Variants in SUPT3H observed in about 807,000 individuals in gnomAD.
SUPT3H encodes the protein transcription initiation protein SPT3 homolog.
A neutral mutation model predicts 44.3 loss-of-function variants in SUPT3H; 44 were observed. The observed-to-expected ratio is 0.99, with a 90% CI of 0.78 to 1.28. The LOEUF (loss-of-function observed/expected upper bound fraction) is 1.28. Among genes scored for constraint, SUPT3H ranks in the 50% most tolerant of loss-of-function variants. The pLI, the probability that SUPT3H is intolerant of heterozygous loss-of-function variation, is 0.00. For synonymous variants in SUPT3H, 124 were observed against 125.6 expected (o/e 0.99, Z 0.09); for missense variants, 380 against 387.1 (o/e 0.98, Z 0.15).
At chr6:44,992,397 G>A (rs1347324785) in intron 6 of SUPT3H, among the ~76,000 whole-genome samples, 1 of 152,116 alleles carries the variant, frequency 6.6e-6, no homozygotes, top group Admixed American at 6.6e-5. Flanking sequence ...GGACACGAGT[G>A]TTCACAGTGT....
chr6:44,894,436 T>C (rs1005715124), intron 10 of SUPT3H, among the ~76,000 whole-genome samples: 16 of 152,164 alleles, frequency 1.1e-4, no homozygotes, highest in South Asian at 6.2e-4. Context: ...CAGCTTTCTA[T>C]ATACGGCTAG....
intron 2 of SUPT3H, among the ~76,000 whole-genome samples, chr6:45,233,751 T>A (rs1211408223): frequency 6.6e-6 from 1 of 152,182 alleles, no homozygotes; most frequent in African/African-American, 2.4e-5. Flanking sequence ...CTGGAGAGGA[T>A]GTGTGTCTGA....
At chr6:44,891,746 T>C (rs1049046110) in intron 10 of SUPT3H, among the ~76,000 whole-genome samples, 6 of 151,932 alleles carry the variant, frequency 3.9e-5, no homozygotes, top group African/African-American at 1.4e-4. Context: ...ATGGTTACAC[T>C]GGTAAATTTT....
intron 10 of SUPT3H, among the ~76,000 whole-genome samples, chr6:44,843,033 C>T (rs975060534): frequency 6.6e-6 from 1 of 151,622 alleles, no homozygotes; most frequent in African/African-American, 2.4e-5. Context: ...AAAAAATATC[C>T]AATATTTCTA....
chr6:45,210,652 C>T (rs1452545149), intron 2 of SUPT3H, among the ~76,000 whole-genome samples: 1 of 152,162 alleles, frequency 6.6e-6, no homozygotes, highest in Non-Finnish European at 1.5e-5. Context: ...TCAGAACTTC[C>T]TGAGGCTGTC....
intron 2 of SUPT3H, among the ~76,000 whole-genome samples, chr6:45,224,992 C>T (rs1766693467): frequency 6.6e-6 from 1 of 151,738 alleles, no homozygotes; most frequent in Non-Finnish European, 1.5e-5. Context: ...TAAAAATATA[C>T]AATCTGCCAG....
intron 2 of SUPT3H, among the ~76,000 whole-genome samples, chr6:45,129,450 A>C (rs1803066495): frequency 6.6e-6 from 1 of 152,206 alleles, no homozygotes. Flanking sequence ...CTCACACTTC[A>C]AATTCTTGGT....
intron 2 of SUPT3H, among the ~76,000 whole-genome samples, chr6:45,184,500 AAAAC>A (rs1562639778): frequency 6.6e-6 from 1 of 152,134 alleles, no homozygotes; most frequent in Non-Finnish European, 1.5e-5. Flanking sequence ...TATGTGAACA[AAAAC>A]AATATTTTGA....
At chr6:45,090,409 GAACA>G (rs149392142) in intron 3 of SUPT3H, among the ~76,000 whole-genome samples, 130 of 152,032 alleles carry the variant, frequency 8.6e-4, no homozygotes, top group Non-Finnish European at 1.4e-3. Flanking sequence ...CATAAAAAGA[GAACA>G]AATAAATTAG....
Position 45,181,052 on chromosome 6 carries a change from G to A in SUPT3H, c.102-75046C>T, listed in dbSNP as rs948705798. Among the ~76,000 whole-genome samples the A allele has an allele frequency of 3.3e-5, 5 of 151,804 alleles. No homozygotes were observed. The East Asian group carries it at 5.8e-4, about 18-fold the overall frequency. ...AAAACAACCCCATCAAAAAGTGGGTGAAGGATATGAACAGACACTTCTCAA... is the reference window on the plus strand; with the variant it reads ...AAAACAACCCCATCAAAAAGTGGGTAAAGGATATGAACAGACACTTCTCAA... On this transcript the variant is annotated intron_variant, in intron 2 of 10. Transcript: ENST00000371459.
intron 6 of SUPT3H, among the ~76,000 whole-genome samples, chr6:44,998,807 T>C (rs1781611209): frequency 6.6e-6 from 1 of 152,004 alleles, no homozygotes. Context: ...TTCTCTATTT[T>C]ATTGTAAAAT....
chr6:44,826,178 T>C (rs193035746), downstream of SUPT3H, among the ~76,000 whole-genome samples: 127 of 152,354 alleles, frequency 8.3e-4, no homozygotes, highest in Non-Finnish European at 1.2e-4. Flanking sequence ...AACCATCACA[T>C]TTACATCCAA....
intron 1 of SUPT3H, among the ~76,000 whole-genome samples, chr6:45,370,846 T>C (rs1306013346): frequency 5.3e-5 from 8 of 152,160 alleles, no homozygotes; most frequent in Admixed American, 2.0e-4. Context: ...ATATCCTCCT[T>C]CTTTAGTCTC....
intron 2 of SUPT3H, among the ~76,000 whole-genome samples, chr6:45,256,644 C>T (rs1293636108): frequency 1.3e-5 from 2 of 152,026 alleles, no homozygotes; most frequent in Middle Eastern, 3.2e-3. Flanking sequence ...CACAAATCTG[C>T]TTTCTGTTGG....
intron 2 of SUPT3H, among the ~76,000 whole-genome samples, chr6:45,155,366 T>C (rs1333174794): frequency 6.6e-6 from 1 of 152,118 alleles, no homozygotes; most frequent in African/African-American, 2.4e-5. Flanking sequence ...TAAGTTAATA[T>C]GAATTTTAGG....
rs75328784 is a variant in SUPT3H at position 44,858,625 on chromosome 6, A to G, written c.913-28768T>C. Among the ~76,000 whole-genome samples, 1,116 of 152,318 alleles carry G rather than the reference A, an allele frequency of 7.3e-3. 21 individuals are homozygous for G. The highest frequency in any genetic ancestry group is 0.025 in the African/African-American group (1,053 of 41,578). On this transcript the variant is annotated intron_variant, in intron 10 of 10. Coordinates refer to ENST00000371459, the MANE Select transcript of SUPT3H (RefSeq NM_003599.4). The stretch of plus-strand genomic sequence containing the variant: ...TGGCATTCAATTGGGTTTGACCTAC[A>G]TAAATGGCAATTTCATCTTTATCCC...
chr6:45,330,036 T>C (rs1787135698), intron 2 of SUPT3H, among the ~76,000 whole-genome samples: 1 of 151,866 alleles, frequency 6.6e-6, no homozygotes, highest in Non-Finnish European at 1.5e-5. Context: ...AGTCTCAGTT[T>C]AGGTCAAACA....
intron 2 of SUPT3H, among the ~76,000 whole-genome samples, chr6:45,210,142 G>A (rs1284413509): frequency 6.6e-6 from 1 of 151,870 alleles, no homozygotes; most frequent in African/African-American, 2.4e-5. Flanking sequence ...ATAAATCTCG[G>A]GACCCCAAAA....
intron 10 of SUPT3H, among the ~76,000 whole-genome samples, chr6:44,846,717 C>T (rs1480182483): frequency 4.6e-5 from 7 of 151,972 alleles, no homozygotes; most frequent in Non-Finnish European, 8.8e-5. Flanking sequence ...CTGCAACCTC[C>T]GCCTCCTGGG....
Sources: gnomAD v4.1 joint callset for allele counts (sites outside exome capture counted in the v4.1 genomes callset) on GRCh38, gnomAD v4.1.1 for gene constraint, MANE v1.5 for transcripts, NCBI Gene and HGNC (gene_info 2026-07-23, HGNC 2026-07-21) for gene names.